The following PSME4 variants were observed in gnomAD, a reference collection of about 807,000 sequenced individuals.
The protein encoded by PSME4 is proteasome activator complex subunit 4.
A neutral mutation model predicts 253.9 loss-of-function variants in PSME4; 89 were observed. The ratio of observed to expected loss-of-function variants is 0.35; its 90% CI spans 0.30 to 0.42. PSME4 has a LOEUF of 0.42. PSME4 is among the 10% of genes least tolerant of loss of function. The pLI is 1.00. For synonymous variants in PSME4, 851 were observed against 759.2 expected (o/e 1.12, Z -1.99); for missense variants, 2,014 against 2,195.2 (o/e 0.92, Z 1.65).
chr2:53,925,940 G>A lies in PSME4; in HGVS notation c.1658+19C>T. On this transcript the variant is annotated intron_variant, in intron 13 of 46. Coordinates refer to ENST00000404125, the MANE Select transcript of PSME4 (RefSeq NM_014614.3). ...TTTCTAGAATTTCAGCTAAACGTTGGTGTGGGTTACAAGCTCACCTGTCCA... is the reference window on the plus strand; with the variant it reads ...TTTCTAGAATTTCAGCTAAACGTTGATGTGGGTTACAAGCTCACCTGTCCA... The A allele has an allele frequency of 4.4e-6, 7 of 1,600,462 alleles. No individual in the cohort carries two copies. The highest frequency in any genetic ancestry group is 6.0e-6 in the Non-Finnish European group (7 of 1,168,132).
At chr2:53,946,638 G>C (rs567772429) in intron 3 of PSME4, among the ~76,000 whole-genome samples, 33 of 152,350 alleles carry the variant, frequency 2.2e-4, no homozygotes, top group African/African-American at 7.7e-4. Context: ...GCCCATGCCT[G>C]TAATCCCAGC....
intron 3 of PSME4, among the ~76,000 whole-genome samples, chr2:53,940,972 T>TATATATACATATTTAA (rs1669412351): frequency 1.6e-5 from 1 of 63,022 alleles, no homozygotes; most frequent in East Asian, 5.9e-4. Context: ...TATATATATA[T>TATATATACATATTTAA]ATATATATAT....
At chr2:53,942,917 T>C (rs984385555) in intron 3 of PSME4, among the ~76,000 whole-genome samples, 1 of 152,214 alleles carries the variant, frequency 6.6e-6, no homozygotes, top group African/African-American at 2.4e-5. Context: ...AATGATTCTG[T>C]GTGAATTTTC....
chr2:53,966,679 G>A (rs923131910), intron 1 of PSME4, among the ~76,000 whole-genome samples: 2 of 152,064 alleles, frequency 1.3e-5, no homozygotes, highest in Non-Finnish European at 2.9e-5. Flanking sequence ...AGAAAGGCAA[G>A]AGGGCAAAAT....
chr2:53,866,869 G>T lies in PSME4; in HGVS notation c.5275C>A (p.Arg1759Ser), dbSNP rs375540598. Residue 1759 changes from arginine (R) to serine (S), a missense_variant, in exon 45 of 47, where the codon CGC becomes AGC. Physicochemically the swap from Arg to Ser is moderately radical, Grantham distance 110 (BLOSUM62 -1). Coordinates refer to ENST00000404125, the MANE Select transcript of PSME4 (RefSeq NM_014614.3). ...DTIPSAELVK[R>S]HAGVLGLGAC... is the part of the protein sequence containing the mutation. ...CCAAGTCCTAGCACCCCAGCATGGC[G>T]TTTGACCAACTCTGCAAAGAGAATA... 6.2e-7 allele frequency: 1 copy of T among 1,613,534 alleles called. No individual in the cohort carries two copies. The highest frequency in any genetic ancestry group is 1.3e-5 in the African/African-American group (1 of 74,874).
At chr2:53,926,131 T>C (rs1668546010) in intron 12 of PSME4, 108 bp from the exon 13 acceptor site, 1 of 784,636 alleles carries the variant, frequency 1.3e-6, no homozygotes, top group African/African-American at 1.7e-5. Flanking sequence ...TAAACCATTA[T>C]ATTGGGTACT....
At chr2:53,946,664 G>A (rs1331241133) in intron 3 of PSME4, among the ~76,000 whole-genome samples, 1 of 152,262 alleles carries the variant, frequency 6.6e-6, no homozygotes, top group Non-Finnish European at 1.5e-5. Context: ...GGGAGGCCAA[G>A]GCGGGAGGAT....
intron 9 of PSME4, 105 bp from the exon 10 acceptor site, chr2:53,932,205 C>A (rs879146672): frequency 1.0e-5 from 10 of 1,003,976 alleles, no homozygotes; most frequent in African/African-American, 3.2e-5. Flanking sequence ...AATAACAGTT[C>A]TTATTATCTT....
At chr2:53,935,950 G>C in intron 7 of PSME4, 137 bp downstream of exon 7, 1 of 1,125,182 alleles carries the variant, frequency 8.9e-7, no homozygotes, top group South Asian at 2.1e-5. Flanking sequence ...CTGGAGTGCA[G>C]TACTGCAATC....
chr2:53,914,952 A>G (rs369314658), intron 20 of PSME4, among the ~76,000 whole-genome samples: 6 of 152,218 alleles, frequency 3.9e-5, no homozygotes, highest in Admixed American at 6.5e-5. Context: ...AGTGGATACC[A>G]TTAGGTAGAT....
chr2:53,950,781 C>T (rs1449095530), intron 1 of PSME4, among the ~76,000 whole-genome samples: 5 of 144,674 alleles, frequency 3.5e-5, no homozygotes, highest in Middle Eastern at 4.0e-3. Flanking sequence ...GCGGAGGTTG[C>T]GGTGAGCCAA....
intron 20 of PSME4, among the ~76,000 whole-genome samples, chr2:53,915,119 A>G (rs1259359713): frequency 6.6e-6 from 1 of 152,124 alleles, no homozygotes; most frequent in Admixed American, 6.5e-5. Flanking sequence ...TAAGTTAGAC[A>G]TTCTCACAGG....
At chr2:53,906,758 G>T (rs1464827081) in intron 25 of PSME4, 48 bp downstream of exon 25, 55 of 1,599,288 alleles carry the variant, frequency 3.4e-5, no homozygotes, top group Non-Finnish European at 4.6e-5. Flanking sequence ...ATACTCATCT[G>T]GAAAATTGAC....
chr2:53,900,597 T>G (rs555244925), intron 28 of PSME4, among the ~76,000 whole-genome samples: 85 of 152,288 alleles, frequency 5.6e-4, no homozygotes, highest in African/African-American at 2.0e-3. Context: ...CCTGTGAATA[T>G]TCTACTGTGC....
chr2:53,897,654 T>C lies in PSME4; in HGVS notation c.3606+216A>G, dbSNP rs805415. On this transcript the variant is annotated intron_variant, in intron 31 of 46. Coordinates refer to ENST00000404125, the MANE Select transcript of PSME4 (RefSeq NM_014614.3). ...TCTTTCCCATTAGCCTATAAACTTA[T>C]TTCCTGCTATATCCCCAGTCTTTTA... Among the ~76,000 whole-genome samples, 44,369 of 152,072 alleles carry C rather than the reference T, an allele frequency of 0.29. 6,902 individuals are homozygous for C. The highest frequency in any genetic ancestry group is 0.47 in the South Asian group (2,268 of 4,818).
At chr2:53,887,087 C>A (rs1031963877) in intron 40 of PSME4, among the ~76,000 whole-genome samples, 172 bp downstream of exon 40, 3 of 152,002 alleles carry the variant, frequency 2.0e-5, no homozygotes, top group African/African-American at 7.3e-5. Flanking sequence ...ATGATGGTTG[C>A]GCAAGGATGT....
chr2:53,871,800 G>C (rs1362142037), intron 43 of PSME4, among the ~76,000 whole-genome samples: 3 of 151,980 alleles, frequency 2.0e-5, no homozygotes, highest in African/African-American at 7.2e-5. Flanking sequence ...GATCACCTGA[G>C]GTCAGGAGTT....
intron 1 of PSME4, among the ~76,000 whole-genome samples, chr2:53,949,740 T>A (rs530159820): frequency 6.6e-6 from 1 of 152,020 alleles, no homozygotes; most frequent in Admixed American, 6.6e-5. Context: ...GACCAGGAAA[T>A]GGAGAGCTGT....
chr2:53,922,238 C>A (rs1488722459), intron 17 of PSME4, among the ~76,000 whole-genome samples: 1 of 151,940 alleles, frequency 6.6e-6, no homozygotes, highest in African/African-American at 2.4e-5. Context: ...AAAGTGTAGA[C>A]CAAAAAAATT....
Sources: allele counts gnomAD v4.1 joint callset (sites outside exome capture counted in the v4.1 genomes callset), GRCh38; gene constraint gnomAD v4.1.1; transcripts MANE v1.5; gene names NCBI Gene and HGNC (gene_info 2026-07-23, HGNC 2026-07-21).